Variants in MCC observed in about 807,000 individuals in gnomAD.
The protein encoded by MCC is MCC regulator of Wnt signaling pathway.
MCC carries 90 observed loss-of-function variants against 116.2 expected under a neutral mutation model. That is an observed-to-expected ratio of 0.77 (90% confidence interval 0.65 to 0.92). The LOEUF (loss-of-function observed/expected upper bound fraction) is 0.92, where lower values mean the gene tolerates loss of function less well. Ranked by LOEUF, MCC falls within the 40% of genes least tolerant of loss-of-function variation. MCC has a pLI of 0.00. For synonymous variants in MCC, 578 were observed against 510.5 expected (o/e 1.13, Z -1.78); for missense variants, 1,516 against 1,312.2 (o/e 1.16, Z -2.40).
At chr5:113,156,202 A>G (rs559300334) in intron 3 of MCC, among the ~76,000 whole-genome samples, 3 of 152,354 alleles carry the variant, frequency 2.0e-5, no homozygotes, top group East Asian at 3.9e-4. Context: ...ACAAAGCGCT[A>G]TGAAGTTGAG....
intron 5 of MCC, among the ~76,000 whole-genome samples, chr5:113,132,403 CAT>C (rs1758493317): frequency 7.1e-6 from 1 of 141,578 alleles, no homozygotes; most frequent in South Asian, 2.2e-4. Context: ...TATATACATA[CAT>C]ACATATATAT....
chr5:113,078,208 C>T (rs1301369481), intron 11 of MCC, among the ~76,000 whole-genome samples: 3 of 152,140 alleles, frequency 2.0e-5, no homozygotes, highest in Admixed American at 2.0e-4. Flanking sequence ...AGATTCACAG[C>T]CGAATTCTAC....
At chr5:113,132,423 C>CACACATATATATATATAT (rs1561384956) in intron 5 of MCC, among the ~76,000 whole-genome samples, 7 of 130,174 alleles carry the variant, frequency 5.4e-5, no homozygotes, top group African/African-American at 2.2e-4. Context: ...TATATACACA[C>CACACATATATATATATAT]ATACATATAT....
At chr5:113,299,292 C>CA (rs58372049) in intron 3 of MCC, among the ~76,000 whole-genome samples, 7 of 52,076 alleles carry the variant, frequency 1.3e-4, no homozygotes, top group East Asian at 7.6e-4. Flanking sequence ...GACTCCGTCT[C>CA]AAAAAAAAAA....
At chr5:113,150,789 C>T (rs1759812170) in intron 4 of MCC, among the ~76,000 whole-genome samples, 2 of 152,136 alleles carry the variant, frequency 1.3e-5, no homozygotes, top group South Asian at 2.1e-4. Flanking sequence ...AGGCCAGGCA[C>T]AAGGGCTCAT....
Position 113,434,982 on chromosome 5 carries a change from T to G in MCC, c.171-49770A>C. 1 of 994,264 alleles carries G rather than the reference T, an allele frequency of 1.0e-6. No homozygotes were observed. The highest frequency in any genetic ancestry group is 2.6e-5 in the East Asian group (1 of 38,564). The allele number at this position is 994,264 out of a possible 1,614,324, so 61.6% of individuals were successfully genotyped here. A position where few individuals can be genotyped will look rare whatever the true frequency, so the allele number is the denominator to read the frequency against. ...GTTCCTGCCTCCTAGAGGCCAAGAC[T>G]CTGGAGTGGAACATTTGGCACTGTC... On this transcript the variant is annotated intron_variant, in intron 1 of 18. Coordinates refer to ENST00000408903, the MANE Select transcript of MCC (RefSeq NM_001085377.2). This position sits in a 1 kb window ranked among gnomAD's most constrained non-coding sequence, Gnocchi z 4.2.
At chr5:113,158,354 T>C (rs1436154790) in intron 3 of MCC, among the ~76,000 whole-genome samples, 1 of 152,240 alleles carries the variant, frequency 6.6e-6, no homozygotes, top group African/African-American at 2.4e-5. Context: ...ACTTCTCTCA[T>C]TAAAGGACAC....
chr5:113,179,474 CA>C (rs1410719625), intron 3 of MCC, among the ~76,000 whole-genome samples: 1 of 152,164 alleles, frequency 6.6e-6, no homozygotes, highest in African/African-American at 2.4e-5. Context: ...AGAGGGAATG[CA>C]AAGGAAATTC....
At chr5:113,085,063 G>C in intron 9 of MCC, 101 bp downstream of exon 9, 1 of 1,523,934 alleles carries the variant, frequency 6.6e-7, no homozygotes, top group African/African-American at 1.4e-5. Flanking sequence ...CCCTTGTGCT[G>C]TCTCAGCTAA....
chr5:113,282,497 G>C (rs1051992090), intron 3 of MCC, among the ~76,000 whole-genome samples: 1 of 152,140 alleles, frequency 6.6e-6, no homozygotes, highest in African/African-American at 2.4e-5. Context: ...ACTGACTTCT[G>C]CTCCCTGCTT....
chr5:113,184,849 G>C (rs1271732242), intron 3 of MCC, among the ~76,000 whole-genome samples: 1 of 152,126 alleles, frequency 6.6e-6, no homozygotes, highest in Non-Finnish European at 1.5e-5. Context: ...ATTACCAACT[G>C]AAATAGATGG....
At chr5:113,134,166 T>G (rs1450888579) in intron 5 of MCC, among the ~76,000 whole-genome samples, 7 of 152,242 alleles carry the variant, frequency 4.6e-5, no homozygotes, top group Non-Finnish European at 8.8e-5. Flanking sequence ...AATGTCCTAG[T>G]GCATTTCCTT....
chr5:113,091,335 A>C (rs1372020983), intron 8 of MCC, among the ~76,000 whole-genome samples: 1 of 152,194 alleles, frequency 6.6e-6, no homozygotes, highest in Non-Finnish European at 1.5e-5. Flanking sequence ...CAGGAGACTT[A>C]GGCTTCCCAT....
intron 1 of MCC, among the ~76,000 whole-genome samples, chr5:113,388,741 A>G (rs1454556754): frequency 1.3e-5 from 2 of 152,176 alleles, no homozygotes; most frequent in Non-Finnish European, 2.9e-5. Flanking sequence ...TTTCCTTATA[A>G]ATTACCCAGC....
intron 1 of MCC, among the ~76,000 whole-genome samples, chr5:113,466,936 G>T (rs1040076552): frequency 2.0e-5 from 3 of 152,248 alleles, no homozygotes; most frequent in African/African-American, 7.2e-5. Flanking sequence ...GATGGCCAGT[G>T]ATGATGAGCA....
Position 113,029,066 on chromosome 5 carries a change from A to T in MCC, c.2757-10T>A, listed in dbSNP as rs1289082596. 1.2e-6 allele frequency: 2 copies of T among 1,605,574 alleles called. No individual in the cohort carries two copies. Among genetic ancestry groups the T allele is most frequent in the African/African-American group, 2.7e-5 (2 of 74,650 alleles). On this transcript the variant is annotated splice_polypyrimidine_tract_variant and intron_variant, in intron 17 of 18. Coordinates refer to ENST00000408903, the MANE Select transcript of MCC (RefSeq NM_001085377.2). Reference sequence around the variant, plus strand: ...CTTCAACTTCTTTTCTCTATATTAAAGGAGACAAAATATGCCAGGAGTAGT... The same window carrying T: ...CTTCAACTTCTTTTCTCTATATTAATGGAGACAAAATATGCCAGGAGTAGT...
At chr5:113,297,771 A>G (rs915859613) in intron 3 of MCC, among the ~76,000 whole-genome samples, 1 of 150,342 alleles carries the variant, frequency 6.7e-6, no homozygotes, top group Non-Finnish European at 1.5e-5. Flanking sequence ...AAAAAAAAAA[A>G]AAAGAAGGGA....
intron 1 of MCC, among the ~76,000 whole-genome samples, chr5:113,465,772 G>C (rs1313432218): frequency 6.6e-6 from 1 of 152,086 alleles, no homozygotes; most frequent in Non-Finnish European, 1.5e-5. Context: ...AACTCACTAG[G>C]ATTCAAAGAA....
At chr5:113,071,345 C>T in intron 11 of MCC, 111 bp from the exon 12 acceptor site, 1 of 1,092,536 alleles carries the variant, frequency 9.2e-7, no homozygotes, top group Non-Finnish European at 1.3e-6. Context: ...GTGGGCCTGT[C>T]AGATTAGTAG....
Sources: gnomAD v4.1 joint callset for allele counts (sites outside exome capture counted in the v4.1 genomes callset) on GRCh38, gnomAD v4.1.1 for gene constraint, Gnocchi (gnomAD v3.1) non-coding constraint, MANE v1.5 for transcripts, NCBI Gene and HGNC (gene_info 2026-07-23, HGNC 2026-07-21) for gene names.